The following DYSF variants were observed in gnomAD, a reference collection of about 807,000 sequenced individuals.
DYSF encodes the protein dystrophy-associated fer-1-like 1.
A neutral mutation model predicts 274.9 loss-of-function variants in DYSF; 212 were observed. That is an observed-to-expected ratio of 0.77 (90% confidence interval 0.69 to 0.86). DYSF has a LOEUF of 0.86. DYSF is among the 40% of genes least tolerant of loss of function. The pLI is 0.00. For synonymous variants in DYSF, 1,091 were observed against 1,078.7 expected, an observed-to-expected ratio of 1.01 and a Z score of -0.22; for missense variants, 2,666 against 2,783.2, an observed-to-expected ratio of 0.96 and a Z score of 0.95.
intron 40 of DYSF, among the ~76,000 whole-genome samples, chr2:71,617,876 T>TGGGGTGTGTGTGTGGTAGA (rs1558636025): frequency 7.5e-5 from 1 of 13,280 alleles, no homozygotes; most frequent in Non-Finnish European, 2.1e-4. Context: ...GTGGTAGAGG[T>TGGGGTGTGTGTGTGGTAGA]GGGGTGTGTG....
intron 32 of DYSF, among the ~76,000 whole-genome samples, chr2:71,592,699 C>T (rs2093303543): frequency 6.6e-6 from 1 of 152,220 alleles, no homozygotes; most frequent in Admixed American, 6.5e-5. Flanking sequence ...GCAGAGAGGG[C>T]CCTCCTTGAA....
chr2:71,578,001 C>T (rs548909186), intron 30 of DYSF, among the ~76,000 whole-genome samples: 1 of 152,292 alleles, frequency 6.6e-6, no homozygotes, highest in Non-Finnish European at 1.5e-5. Flanking sequence ...GTCACTCATG[C>T]CATTAGCAAC....
chr2:71,658,904 A>C lies in DYSF; in HGVS notation c.4782A>C (p.Pro1594=). 1 of 1,614,148 alleles carries C rather than the reference A, an allele frequency of 6.2e-7. No homozygotes were observed. Among genetic ancestry groups the C allele is most frequent in the South Asian group, 1.1e-5 (1 of 91,080 alleles). The change falls in exon 44 of 56, where the codon CCA becomes CCC. Residue 1594 remains proline (P), a synonymous_variant. Transcript: ENST00000410020. ...FKGLFKIYPL[P]EDPAIPMPPR... The stretch of plus-strand genomic sequence containing the variant: ...GCCTCTTCAAAATTTATCCCCTCCC[A>C]GAAGACCCAGCCATCCCCATGCCCC...
chr2:71,497,644 G>A lies in DYSF; in HGVS notation c.240-5570G>A, dbSNP rs550874124. 7.2e-5 allele frequency among the ~76,000 whole-genome samples: 11 copies of A among 152,288 alleles called. No homozygotes were observed. The South Asian group carries it at 2.3e-3, about 32-fold the overall frequency. ...AGCAGTGTGAGAACAGACTAATACA[G>A]GTGTGTTCCCAGACCAAACCGAGGG... On this transcript the variant is annotated intron_variant, in intron 3 of 55. Coordinates refer to ENST00000410020, the MANE Select transcript of DYSF (RefSeq NM_001130987.2).
chr2:71,570,963 C>T (rs1296518460), intron 29 of DYSF: 1 of 606,188 alleles, frequency 1.6e-6, no homozygotes, highest in Admixed American at 2.9e-5. Context: ...TCACACCCAG[C>T]ATACACACAG....
In DYSF at chr2:71,669,117, T is replaced by C; in HGVS notation, c.5552T>C (p.Phe1851Ser). 6.3e-7 allele frequency: 1 copy of C among 1,599,260 alleles called. No homozygotes were observed. Among genetic ancestry groups the C allele is most frequent in the South Asian group, 1.1e-5 (1 of 87,952 alleles). ...NITPRRARRF[F>S]LRCIIWNTRD... The stretch of plus-strand genomic sequence containing the variant: ...AGAGTGATACCTTTCCCCAGGTTTT[T>C]CCTGCGTTGTATTATCTGGAATACC... Residue 1851 changes from phenylalanine (F) to serine (S), a missense_variant, in exon 50 of 56, where the codon TTC becomes TCC. Coordinates refer to ENST00000410020, the MANE Select transcript of DYSF (RefSeq NM_001130987.2).
chr2:71,466,153 G>T (rs963037701), upstream of DYSF, among the ~76,000 whole-genome samples: 1 of 152,206 alleles, frequency 6.6e-6, no homozygotes. Flanking sequence ...GCGGACGGGA[G>T]AGGACCGGCT....
At chr2:71,474,179 A>G (rs1478788723) in intron 1 of DYSF, among the ~76,000 whole-genome samples, 2 of 151,780 alleles carry the variant, frequency 1.3e-5, no homozygotes, top group African/African-American at 4.8e-5. Context: ...ACCCGCATCC[A>G]CCTCCCAAAG....
rs929626343 is a variant in DYSF, at chr2:71,589,851, G to A, written c.3496+165G>A. The stretch of plus-strand genomic sequence containing the variant: ...TGTGTATGTGTGTGTGTGTGCGCGC[G>A]TGCGTGCACGTGTCCGTGCCTATCT... On this transcript the variant is annotated intron_variant, in intron 31 of 55. Coordinates refer to ENST00000410020, the MANE Select transcript of DYSF (RefSeq NM_001130987.2). Among the ~76,000 whole-genome samples, 23 of 152,092 alleles carry A rather than the reference G, an allele frequency of 1.5e-4. 1 individual carries two copies. The highest frequency in any genetic ancestry group is 5.1e-4 in the African/African-American group (21 of 41,424).
intron 54 of DYSF, among the ~76,000 whole-genome samples, chr2:71,682,200 C>T (rs1266146667): frequency 6.6e-6 from 1 of 151,950 alleles, no homozygotes; most frequent in Non-Finnish European, 1.5e-5. Flanking sequence ...CCTAAATCTG[C>T]AGTTTGTGAT....
At position 71,684,269 on chromosome 2, in the gene DYSF, G is replaced by T. The variant is rs148877700; in HGVS notation, c.6321+1592G>T. On this transcript the variant is annotated intron_variant, in intron 55 of 55. Coordinates refer to ENST00000410020, the MANE Select transcript of DYSF (RefSeq NM_001130987.2). ...CAGGACTGTGGAAGAGTGTGTGCAC[G>T]TGTGGTGTCCTGCAGCATGAGCTGT... 6.6e-4 allele frequency among the ~76,000 whole-genome samples: 100 copies of T among 152,146 alleles called. 1 individual carries two copies. Among genetic ancestry groups the T allele is most frequent in the African/African-American group, 1.9e-3 (79 of 41,504 alleles).
At chr2:71,539,016 A>G in intron 16 of DYSF, 141 bp from the exon 17 acceptor site, 1 of 741,738 alleles carries the variant, frequency 1.3e-6, no homozygotes, top group Non-Finnish European at 2.4e-6. Flanking sequence ...CCTCAGTAAC[A>G]TACCAAAGTG....
intron 30 of DYSF, among the ~76,000 whole-genome samples, chr2:71,579,000 C>T (rs897961508): frequency 3.9e-5 from 6 of 152,130 alleles, no homozygotes; most frequent in African/African-American, 7.2e-5. Context: ...CCAAAGACAC[C>T]GGGTTTCATA....
intron 4 of DYSF, among the ~76,000 whole-genome samples, chr2:71,506,096 C>T (rs1482784917): frequency 1.3e-5 from 2 of 152,200 alleles, no homozygotes; most frequent in African/African-American, 4.8e-5. Context: ...CCTGTCTTGT[C>T]CACACGGGAC....
intron 20 of DYSF, 122 bp from the exon 21 acceptor site, chr2:71,553,667 TGTCTCTGTCCCACGTGTG>T: frequency 9.3e-7 from 1 of 1,075,382 alleles, no homozygotes; most frequent in Non-Finnish European, 1.4e-6. Context: ...AGCAGGTGCC[TGTCTCTGTCCCACGTGTG>T]GTCCCTTTCC....
rs749288662 is a variant in DYSF at position 71,520,901 on chromosome 2, G to A, written c.1146G>A (p.Ala382=). 70 of 1,613,864 alleles carry A rather than the reference G, an allele frequency of 4.3e-5. 2 individuals carry two copies. The South Asian group carries it at 6.3e-4, about 14-fold the overall frequency. ...GTGTGCTGGGGCCTGGGGACGAAGC[G>A]CCTGTGAGTACATTTCCCTGGGTCT... ...SLCVLGPGDE[A]PLERKDPSED... The change falls in exon 12 of 56, where the codon GCG becomes GCA. Residue 382 remains alanine, a synonymous_variant. Transcript: ENST00000410020.
intron 17 of DYSF, among the ~76,000 whole-genome samples, chr2:71,545,085 A>G (rs1559123536): frequency 6.6e-6 from 1 of 152,224 alleles, no homozygotes; most frequent in Non-Finnish European, 1.5e-5. Flanking sequence ...GACAGAATCA[A>G]GGAAGGCTTC....
At chr2:71,461,407 A>G (rs1006682277) in intron 1 of DYSF, among the ~76,000 whole-genome samples, 4 of 152,164 alleles carry the variant, frequency 2.6e-5, no homozygotes, top group African/African-American at 9.7e-5. Context: ...AGGCAGAGAG[A>G]ACAGCGGACC....
rs1489015006 is a variant in DYSF, at chr2:71,513,237, C to T, written c.461-3C>T. On this transcript the variant is annotated splice_region_variant and splice_polypyrimidine_tract_variant and intron_variant, in intron 5 of 55. Transcript: ENST00000410020. The stretch of plus-strand genomic sequence containing the variant: ...CCGGGGTTATGCCCTGCCCACAAGA[C>T]AGGCGGGGGACAGAGCCGGGCCGAG... 2.6e-6 allele frequency: 4 copies of T among 1,551,518 alleles called. No homozygotes were observed. The East Asian group carries it at 7.3e-5, about 28-fold the overall frequency.
Sources: gnomAD v4.1 joint callset for allele counts (sites outside exome capture counted in the v4.1 genomes callset) on GRCh38, gnomAD v4.1.1 for gene constraint, MANE v1.5 for transcripts, NCBI Gene and HGNC (gene_info 2026-07-23, HGNC 2026-07-21) for gene names.